Variants in TCERG1L observed in about 807,000 individuals in gnomAD.
TCERG1L encodes transcription elongation regulator 1 like, also known as transcription elongation regulator 1-like protein.
In TCERG1L, 37 loss-of-function variants were observed where a neutral mutation model predicts 56.3. That is an observed-to-expected ratio of 0.66 (90% CI 0.51 to 0.87). The LOEUF is 0.87. Among genes scored for constraint, TCERG1L ranks in the 40% least tolerant of loss-of-function variants. The probability of loss-of-function intolerance (pLI) is 0.00; values close to 1 mark genes in which losing one functional copy is unlikely to be tolerated. For missense variants in TCERG1L, 799 were observed against 774.2 expected (o/e 1.03, Z -0.38); for synonymous variants, 324 against 326.3 (o/e 0.99, Z 0.08).
At chr10:131,259,207 A>T (rs1386985854) in intron 4 of TCERG1L, among the ~76,000 whole-genome samples, 1 of 152,216 alleles carries the variant, frequency 6.6e-6, no homozygotes, top group Non-Finnish European at 1.5e-5. Context: ...ACACTCCAAA[A>T]ATTGGAAAGT....
In TCERG1L at chr10:131,267,200, T is replaced by C. The variant is rs1251829267; in HGVS notation, c.671-6756A>G. Among the ~76,000 whole-genome samples the C allele has an allele frequency of 6.6e-6, 1 of 152,128 alleles. No individual in the cohort carries two copies. Among genetic ancestry groups the C allele is most frequent in the Non-Finnish European group, 1.5e-5 (1 of 68,002 alleles). ...CGTCTCAGCCTCCCACCTGCGCTCA[T>C]TGGTGCCCAAAGTCCAGAGAATCTG... On this transcript the variant is annotated intron_variant, in intron 3 of 11. Coordinates refer to ENST00000368642, the MANE Select transcript of TCERG1L (RefSeq NM_174937.4). This position sits in a 1 kb window ranked among gnomAD's most constrained non-coding sequence, Gnocchi z 4.9.
chr10:131,223,725 C>A (rs1213283047), intron 4 of TCERG1L, among the ~76,000 whole-genome samples: 3 of 151,986 alleles, frequency 2.0e-5, no homozygotes, highest in Admixed American at 1.3e-4. Flanking sequence ...CACAGACATG[C>A]TCACACCCCA....
chr10:131,174,847 C>T (rs1270930212), intron 4 of TCERG1L, among the ~76,000 whole-genome samples: 2 of 150,166 alleles, frequency 1.3e-5, no homozygotes, highest in Non-Finnish European at 3.0e-5. Flanking sequence ...GGACTCAGCC[C>T]GATCATGAGA....
chr10:131,232,286 ACAGC>A (rs1436792666), intron 4 of TCERG1L, among the ~76,000 whole-genome samples: 1 of 152,242 alleles, frequency 6.6e-6, no homozygotes, highest in Non-Finnish European at 1.5e-5. Context: ...AGACCCCACA[ACAGC>A]CAGGCAACCC....
chr10:131,162,231 A>G (rs1297877702), intron 6 of TCERG1L: 1 of 152,214 alleles, frequency 6.6e-6, no homozygotes, highest in Non-Finnish European at 1.5e-5. Context: ...ATTAGTACAA[A>G]GAGGTCTCAC....
chr10:131,129,807 C>T lies in TCERG1L; in HGVS notation c.1259+4572G>A, dbSNP rs1326099750. ...ATCAAGAAAGGAGGTGTAATTGACT[C>T]ACAGTTGCGCATGGATCGGGAGGCC... On this transcript the variant is annotated intron_variant, in intron 8 of 11. Coordinates refer to ENST00000368642, the MANE Select transcript of TCERG1L (RefSeq NM_174937.4). 4.6e-5 allele frequency among the ~76,000 whole-genome samples: 7 copies of T among 152,158 alleles called. 1 individual carries two copies. Among genetic ancestry groups the T allele is most frequent in the Non-Finnish European group, 2.9e-5 (2 of 68,040 alleles).
rs78523204 is a variant in TCERG1L at position 131,168,512 on chromosome 10, C to T, written c.857-1627G>A. Reference sequence around the variant, plus strand: ...TCAATCAGCAAATTTATTTCAGGTGCGGAGCAGCAACACTAAGGCAGCCCA... The same window carrying T: ...TCAATCAGCAAATTTATTTCAGGTGTGGAGCAGCAACACTAAGGCAGCCCA... On this transcript the variant is annotated intron_variant, in intron 4 of 11. Transcript: ENST00000368642. 9.7e-3 allele frequency among the ~76,000 whole-genome samples: 1,470 copies of T among 152,288 alleles called. 71 individuals carry two copies. The highest frequency in any genetic ancestry group is 0.082 in the Admixed American group (1,259 of 15,302).
At chr10:131,207,827 C>T (rs914805800) in intron 4 of TCERG1L, among the ~76,000 whole-genome samples, 9 of 152,200 alleles carry the variant, frequency 5.9e-5, no homozygotes, top group Non-Finnish European at 8.8e-5. Context: ...TCCCTGACAC[C>T]GAGTGGGTCT....
At chr10:131,266,829 T>G (rs10829965) in intron 3 of TCERG1L, among the ~76,000 whole-genome samples, 64,906 of 151,660 alleles carry the variant, frequency 0.43, 14,290 homozygotes, top group East Asian at 0.69. Context: ...TCTCTGCAGC[T>G]GATAACTCCT....
At position 131,218,342 on chromosome 10, in the gene TCERG1L, G is replaced by A. The variant is rs528156619; in HGVS notation, c.856+41917C>T. On this transcript the variant is annotated intron_variant, in intron 4 of 11. Transcript: ENST00000368642. ...CAATGCACAGCCCTGTGGAAACGCC[G>A]CATAATCCTATCAGTTGTCCATCTC... Among the ~76,000 whole-genome samples, 80 of 152,314 alleles carry A rather than the reference G, an allele frequency of 5.3e-4. 1 individual carries two copies. Among genetic ancestry groups the A allele is most frequent in the African/African-American group, 1.3e-3 (54 of 41,560 alleles).
intron 4 of TCERG1L, among the ~76,000 whole-genome samples, chr10:131,176,827 C>CGTGT (rs1564808100): frequency 2.3e-4 from 1 of 4,320 alleles, no homozygotes; most frequent in African/African-American, 8.6e-4. Flanking sequence ...CACACACAGA[C>CGTGT]ACGTGTACAC....
At chr10:131,156,248 G>C (rs912785208) in intron 6 of TCERG1L, 5 of 152,122 alleles carry the variant, frequency 3.3e-5, no homozygotes, top group African/African-American at 1.2e-4. Flanking sequence ...CTCAGAACAT[G>C]ATTTTGATAC....
chr10:131,225,752 T>A lies in TCERG1L; in HGVS notation c.856+34507A>T, dbSNP rs1845784818. Among the ~76,000 whole-genome samples, 4 of 150,272 alleles carry A rather than the reference T, an allele frequency of 2.7e-5. No individual in the cohort carries two copies. In the South Asian group the frequency reaches 8.5e-4, roughly 32 times the overall value. On this transcript the variant is annotated intron_variant, in intron 4 of 11. Coordinates refer to ENST00000368642, the MANE Select transcript of TCERG1L (RefSeq NM_174937.4). Reference sequence around the variant, plus strand: ...CCCCCAATGTGACCCCCCTCCCAACTCCCTGCACACAGCGATGCCCCAGGC... The same window carrying A: ...CCCCCAATGTGACCCCCCTCCCAACACCCTGCACACAGCGATGCCCCAGGC...
intron 4 of TCERG1L, among the ~76,000 whole-genome samples, chr10:131,237,597 C>A (rs1845926066): frequency 6.6e-6 from 1 of 152,190 alleles, no homozygotes; most frequent in African/African-American, 2.4e-5. Context: ...CATACAATGT[C>A]ATCATTTTTT....
chr10:131,258,454 C>G (rs902479932), intron 4 of TCERG1L, among the ~76,000 whole-genome samples: 1 of 152,172 alleles, frequency 6.6e-6, no homozygotes, highest in South Asian at 2.1e-4. Context: ...TCACCAGGGG[C>G]GCCCCTGGCA....
At chr10:131,309,813 C>T (rs1846860031) in intron 1 of TCERG1L, among the ~76,000 whole-genome samples, 1 of 85,998 alleles carries the variant, frequency 1.2e-5, no homozygotes, top group African/African-American at 4.7e-5. Flanking sequence ...CAAGGTTCAC[C>T]AATACAAATA....
chr10:131,244,043 T>C (rs1482813597), intron 4 of TCERG1L, among the ~76,000 whole-genome samples: 1 of 152,360 alleles, frequency 6.6e-6, no homozygotes, highest in Non-Finnish European at 1.5e-5. Context: ...TTTCACAAGA[T>C]GTCAACAGCC....
At chr10:131,247,540 TGA>T (rs1214865488) in intron 4 of TCERG1L, among the ~76,000 whole-genome samples, 2 of 152,066 alleles carry the variant, frequency 1.3e-5, no homozygotes, top group African/African-American at 4.8e-5. Context: ...CTTATGAATG[TGA>T]GATAAGGCTT....
chr10:131,210,891 G>GA (rs1196296098), intron 4 of TCERG1L, among the ~76,000 whole-genome samples: 1 of 152,154 alleles, frequency 6.6e-6, no homozygotes, highest in African/African-American at 2.4e-5. Context: ...GCAAGCCACC[G>GA]AAACAGCAAG....
Sources: gnomAD v4.1 joint callset for allele counts (sites outside exome capture counted in the v4.1 genomes callset) on GRCh38, gnomAD v4.1.1 for gene constraint, Gnocchi (gnomAD v3.1) non-coding constraint, MANE v1.5 for transcripts, NCBI Gene and HGNC (gene_info 2026-07-23, HGNC 2026-07-21) for gene names.